Variants in SGCD observed in about 807,000 individuals in gnomAD.
SGCD encodes sarcoglycan delta, also known as delta-sarcoglycan.
In SGCD, 18 loss-of-function variants were observed where a neutral mutation model predicts 36.6. That is an observed-to-expected ratio of 0.49 (90% confidence interval 0.34 to 0.73). SGCD has a LOEUF of 0.73. Ranked by LOEUF, SGCD falls within the 30% of genes least tolerant of loss-of-function variation. The pLI is 0.01. For missense variants in SGCD, 387 were observed against 346.7 expected (o/e 1.12, Z -0.92); for synonymous variants, 133 against 130.6 (o/e 1.02, Z -0.12).
intron 3 of SGCD, among the ~76,000 whole-genome samples, chr5:156,251,840 G>A (rs1172415903): frequency 6.6e-6 from 1 of 151,812 alleles, no homozygotes; most frequent in African/African-American, 2.4e-5. Flanking sequence ...ACTCGAAACT[G>A]TCTTGGAGAT....
the SGCD span, among the ~76,000 whole-genome samples, chr5:155,841,219 G>A: frequency 6.6e-6 from 1 of 152,104 alleles, no homozygotes; most frequent in East Asian, 1.9e-4. Flanking sequence ...TTGATTATAT[G>A]ACAAGGGAGC....
At chr5:155,792,464 A>T in the SGCD span, among the ~76,000 whole-genome samples, 1 of 151,812 alleles carries the variant, frequency 6.6e-6, no homozygotes, top group South Asian at 2.1e-4. Context: ...TCAACAGAAT[A>T]AACAGGCTAC....
chr5:155,847,292 C>T, the SGCD span, among the ~76,000 whole-genome samples: 210 of 152,230 alleles, frequency 1.4e-3, no homozygotes, highest in African/African-American at 4.9e-3. Context: ...AGTAATTTCC[C>T]CAACATCACA....
chr5:156,450,481 A>G (rs963981550), intron 3 of SGCD, among the ~76,000 whole-genome samples: 3 of 151,842 alleles, frequency 2.0e-5, no homozygotes, highest in African/African-American at 7.3e-5. Context: ...ACATTTTTCT[A>G]GCAAATGTAA....
chr5:156,284,329 A>G (rs1766535271), intron 3 of SGCD, among the ~76,000 whole-genome samples: 1 of 152,176 alleles, frequency 6.6e-6, no homozygotes, highest in African/African-American at 2.4e-5. Context: ...TGATGAGGCC[A>G]GCATCATCCT....
intron 3 of SGCD, among the ~76,000 whole-genome samples, chr5:156,158,535 C>G (rs1561543875): frequency 6.6e-6 from 1 of 151,390 alleles, no homozygotes; most frequent in South Asian, 2.1e-4. Flanking sequence ...GAGTAAGTGA[C>G]CTGACCCCAC....
intron 1 of SGCD, among the ~76,000 whole-genome samples, chr5:155,874,523 C>A (rs1203429680): frequency 6.6e-6 from 1 of 152,038 alleles, no homozygotes; most frequent in African/African-American, 2.4e-5. Context: ...AAACAAATAA[C>A]TTGTATCCAG....
intron 3 of SGCD, among the ~76,000 whole-genome samples, chr5:156,439,668 C>T (rs969343895): frequency 6.6e-6 from 1 of 150,682 alleles, no homozygotes; most frequent in Non-Finnish European, 1.5e-5. Context: ...GAAAACAGTT[C>T]TTATCCTTTG....
intron 1 of SGCD, among the ~76,000 whole-genome samples, chr5:155,903,171 G>C (rs1235634690): frequency 6.6e-6 from 1 of 152,170 alleles, no homozygotes; most frequent in Non-Finnish European, 1.5e-5. Flanking sequence ...AAACTATTAA[G>C]CTGCTGTGTT....
intron 1 of SGCD, among the ~76,000 whole-genome samples, chr5:155,919,330 T>G (rs919559844): frequency 7.9e-4 from 121 of 152,332 alleles, no homozygotes; most frequent in African/African-American, 2.8e-3. Flanking sequence ...GCCTGTGTTT[T>G]TCCACTGTGG....
chr5:156,478,394 C>T (rs1183635764), intron 3 of SGCD, among the ~76,000 whole-genome samples: 1 of 152,180 alleles, frequency 6.6e-6, no homozygotes, highest in East Asian at 1.9e-4. Flanking sequence ...TCCCCCTGGG[C>T]TACTCTGAGC....
At chr5:156,474,190 A>G (rs566004921) in intron 3 of SGCD, among the ~76,000 whole-genome samples, 1 of 152,238 alleles carries the variant, frequency 6.6e-6, no homozygotes, top group Non-Finnish European at 1.5e-5. Context: ...GCTGCTAAAC[A>G]CCCACAGGAC....
the SGCD span, among the ~76,000 whole-genome samples, chr5:155,855,557 T>A: frequency 6.6e-6 from 1 of 152,366 alleles, no homozygotes; most frequent in South Asian, 2.1e-4. Context: ...TTGCTTGATA[T>A]ATCATTGATG....
intron 3 of SGCD, among the ~76,000 whole-genome samples, chr5:156,187,687 T>C (rs958057008): frequency 6.6e-6 from 1 of 152,146 alleles, no homozygotes; most frequent in African/African-American, 2.4e-5. Context: ...TGTTAGCTGC[T>C]GTTATAACTT....
intron 4 of SGCD, among the ~76,000 whole-genome samples, chr5:156,572,552 G>T (rs965421291): frequency 2.6e-5 from 4 of 152,082 alleles, no homozygotes; most frequent in African/African-American, 9.7e-5. Flanking sequence ...GAGCAAAAGA[G>T]TCAATCAAAA....
At chr5:156,375,826 C>A (rs1399063358) in intron 3 of SGCD, among the ~76,000 whole-genome samples, 1 of 152,074 alleles carries the variant, frequency 6.6e-6, no homozygotes, top group Non-Finnish European at 1.5e-5. Context: ...CCTCATCTAC[C>A]TATACAGAGT....
chr5:156,381,727 G>T (rs1770990144), intron 3 of SGCD, among the ~76,000 whole-genome samples: 1 of 152,144 alleles, frequency 6.6e-6, no homozygotes, highest in Non-Finnish European at 1.5e-5. Flanking sequence ...TCTTTAAAGG[G>T]TTTGGTACAC....
rs567323932 is a variant in SGCD, at chr5:156,604,359, T to C, written c.502+9308T>C. ...ATCCATTCAGTCACTGTATATATTTTAATTAAAGAATTTTATCCATTTACA... is the reference window on the plus strand; with the variant it reads ...ATCCATTCAGTCACTGTATATATTTCAATTAAAGAATTTTATCCATTTACA... On this transcript the variant is annotated intron_variant, in intron 6 of 8. Transcript: ENST00000337851. Among the ~76,000 whole-genome samples, 19 of 152,164 alleles carry C rather than the reference T, an allele frequency of 1.2e-4. No individual in the cohort carries two copies. The South Asian group carries it at 2.9e-3, about 23-fold the overall frequency.
chr5:156,105,923 G>A (rs368638804), intron 1 of SGCD, among the ~76,000 whole-genome samples: 1 of 151,402 alleles, frequency 6.6e-6, no homozygotes, highest in African/African-American at 2.4e-5. Flanking sequence ...CCTGCCTGGC[G>A]AAGATGGTGA....
Sources: gnomAD v4.1 joint callset for allele counts (sites outside exome capture counted in the v4.1 genomes callset) on GRCh38, gnomAD v4.1.1 for gene constraint, MANE v1.5 for transcripts, NCBI Gene and HGNC (gene_info 2026-07-23, HGNC 2026-07-21) for gene names.